The following DHX8 variants were observed in gnomAD, a reference collection of about 807,000 sequenced individuals.
DHX8 encodes DEAH-box helicase 8, also known as ATP-dependent RNA helicase DHX8.
In DHX8, 67 loss-of-function variants were observed where a neutral mutation model predicts 140.7. The ratio of observed to expected loss-of-function variants is 0.48; its 90% confidence interval spans 0.39 to 0.58. DHX8 has a LOEUF of 0.58. Among genes scored for constraint, DHX8 ranks in the 20% least tolerant of loss-of-function variants. The pLI is 0.00. For missense variants in DHX8, 887 were observed against 1,550.7 expected (o/e 0.57, Z 7.19); for synonymous variants, 533 against 553.2 (o/e 0.96, Z 0.51).
At chr17:43,539,401 C>T (rs1971407616) in intron 3 of DHX8, among the ~76,000 whole-genome samples, 2 of 152,198 alleles carry the variant, frequency 1.3e-5, no homozygotes, top group Non-Finnish European at 2.9e-5. Flanking sequence ...AAAGTGGTTC[C>T]TCCTGGCTCT....
intron 18 of DHX8, chr17:43,517,560 T>C: frequency 2.0e-6 from 1 of 490,236 alleles, no homozygotes; most frequent in Non-Finnish European, 3.6e-6. Context: ...GGATATTAGG[T>C]TGTAAAAGGT....
chr17:43,528,755 G>A (rs2154587018), downstream of DHX8: 1 of 1,611,658 alleles, frequency 6.2e-7, no homozygotes, highest in South Asian at 1.1e-5. Flanking sequence ...TATGGGGAGA[G>A]AGAAGGTCTG....
At chr17:43,521,692 C>T (rs2154586903) in intron 21 of DHX8, 127 bp downstream of exon 21, 1 of 916,168 alleles carries the variant, frequency 1.1e-6, no homozygotes, top group East Asian at 2.5e-5. Flanking sequence ...AACCCTTTTC[C>T]TCCAGCTTTT....
At chr17:43,532,496 C>CAA (rs1202639826) in intron 2 of DHX8, among the ~76,000 whole-genome samples, 1 of 124,598 alleles carries the variant, frequency 8.0e-6, no homozygotes, top group Non-Finnish European at 1.7e-5. Flanking sequence ...GACCCCATTT[C>CAA]AAAAAAAAAA....
At chr17:43,529,562 GC>G, downstream of DHX8, 1 of 1,613,944 alleles carries the variant, frequency 6.2e-7, no homozygotes. Context: ...AATGAAATGG[GC>G]ATTTGTTGGG....
At chr17:43,533,408 C>T in intron 2 of DHX8, 1 of 1,504,816 alleles carries the variant, frequency 6.6e-7, no homozygotes, top group Non-Finnish European at 9.1e-7. Context: ...ATCTTTGAAC[C>T]CTTCATTCCT....
intron 3 of DHX8, among the ~76,000 whole-genome samples, chr17:43,542,892 C>T (rs1971592565): frequency 6.6e-6 from 1 of 152,120 alleles, no homozygotes; most frequent in Non-Finnish European, 1.5e-5. Context: ...CTAATGCGTC[C>T]CACCACTGGC....
intron 2 of DHX8, 138 bp from the exon 3 acceptor site, chr17:43,490,253 A>G (rs1387483322): frequency 1.3e-5 from 8 of 638,912 alleles, no homozygotes; most frequent in Non-Finnish European, 2.2e-5. Context: ...CCAGGTTGAC[A>G]CACTATGTTT....
chr17:43,504,689 T>C lies in DHX8; in HGVS notation c.1592T>C (p.Met531Thr), dbSNP rs987259552. The change falls in exon 12 of 23, where the codon ATG becomes ACG. Residue 531 changes from methionine to threonine, a missense_variant. This residue lies in a region of DHX8 where 178 missense variants were observed against 398.5 expected (regional missense o/e 0.45). Coordinates refer to ENST00000262415, the MANE Select transcript of DHX8 (RefSeq NM_004941.3). ...GCCAACATGAGGGGTATTGGGATGA[T>C]GCCCAATGATATTCCTGAGTGGAAG... ...IAANMRGIGM[M>T]PNDIPEWKKH... 1.2e-6 allele frequency: 2 copies of C among 1,613,974 alleles called. No individual in the cohort carries two copies. Among genetic ancestry groups the C allele is most frequent in the Non-Finnish European group, 1.7e-6 (2 of 1,180,018 alleles).
chr17:43,539,823 C>A (rs1277493331), intron 3 of DHX8, among the ~76,000 whole-genome samples: 1 of 152,166 alleles, frequency 6.6e-6, no homozygotes, highest in Non-Finnish European at 1.5e-5. Context: ...TGTTGCTTGG[C>A]AAGAATATTC....
At chr17:43,486,893 A>G (rs945487727) in intron 1 of DHX8, among the ~76,000 whole-genome samples, 4 of 151,000 alleles carry the variant, frequency 2.6e-5, no homozygotes, top group South Asian at 2.1e-4. Context: ...AAAAAAAAAA[A>G]GATTACTGAT....
chr17:43,492,644 G>A lies in DHX8; in HGVS notation c.504-37G>A, dbSNP rs758437401. On this transcript the variant is annotated intron_variant, in intron 5 of 22. Transcript: ENST00000262415. ...GGGGATGCGAAGATGAAATCGGATT[G>A]GTTTCTTTTTTAAACAGGTGCTTAT... 5 of 1,250,490 alleles carry A rather than the reference G, an allele frequency of 4.0e-6. No individual in the cohort carries two copies. In the Admixed American group the frequency reaches 8.8e-5, roughly 22 times the overall value. 77.5% of individuals were successfully genotyped at this position (1,250,490 alleles called of 1,614,324 possible).
intron 18 of DHX8, 191 bp downstream of exon 18, chr17:43,517,513 T>C (rs1423921896): frequency 1.7e-6 from 1 of 598,284 alleles, no homozygotes; most frequent in Non-Finnish European, 2.8e-6. Flanking sequence ...GCATGTCTGC[T>C]GTGAACACAC....
At chr17:43,533,520 T>C (rs896242864) in intron 2 of DHX8, among the ~76,000 whole-genome samples, 1 of 152,070 alleles carries the variant, frequency 6.6e-6, no homozygotes, top group South Asian at 2.1e-4. Context: ...TTCTTTTCTT[T>C]TTCAGAGACA....
At chr17:43,533,943 T>C (rs1567710629) in intron 2 of DHX8, 3 of 1,549,680 alleles carry the variant, frequency 1.9e-6, no homozygotes, top group Middle Eastern at 1.7e-4. Context: ...GCGGGGACTC[T>C]GGGGCTCCTT....
chr17:43,528,743 C>T, downstream of DHX8: 1 of 1,613,578 alleles, frequency 6.2e-7, no homozygotes, highest in East Asian at 2.2e-5. Context: ...TCACCAGCCA[C>T]CTATGGGGAG....
At chr17:43,496,098 A>T (rs1968841165) in intron 8 of DHX8, 83 bp from the exon 9 acceptor site, 1 of 1,104,264 alleles carries the variant, frequency 9.1e-7, no homozygotes, top group Admixed American at 2.0e-5. Context: ...ATCCTGTCTC[A>T]AAAAAACAAA....
intron 22 of DHX8, among the ~76,000 whole-genome samples, chr17:43,523,352 T>G (rs973661113): frequency 1.1e-4 from 17 of 152,092 alleles, no homozygotes; most frequent in African/African-American, 4.1e-4. Flanking sequence ...AGAAACAGAT[T>G]AGAGAAGGGA....
At chr17:43,491,780 A>T (rs376303929) in intron 4 of DHX8, among the ~76,000 whole-genome samples, 19 of 152,102 alleles carry the variant, frequency 1.2e-4, no homozygotes, top group African/African-American at 4.6e-4. Context: ...AAACAAACAA[A>T]TAGGTATGTA....
Sources: allele counts gnomAD v4.1 joint callset (sites outside exome capture counted in the v4.1 genomes callset), GRCh38; gene constraint gnomAD v4.1.1; regional missense constraint gnomAD v4.1.1; transcripts MANE v1.5; gene names NCBI Gene and HGNC (gene_info 2026-07-23, HGNC 2026-07-21).